The following PATJ variants were observed in gnomAD, a reference collection of about 807,000 sequenced individuals.
PATJ encodes the protein PATJ crumbs cell polarity complex component.
A neutral mutation model predicts 224.9 loss-of-function variants in PATJ; 190 were observed. The observed-to-expected ratio is 0.84, with a 90% CI of 0.75 to 0.95. The LOEUF (loss-of-function observed/expected upper bound fraction) is 0.95, where lower values mean the gene tolerates loss of function less well. PATJ is among the 40% of genes least tolerant of loss of function. The probability of loss-of-function intolerance (pLI) is 0.00; values close to 1 mark genes in which losing one functional copy is unlikely to be tolerated. For missense variants in PATJ, 2,121 were observed against 2,270.3 expected (o/e 0.93, Z 1.34); for synonymous variants, 769 against 820.3 (o/e 0.94, Z 1.07).
At chr1:61,812,429 A>AGTGTGTGTGT (rs1355150780) in intron 14 of PATJ, among the ~76,000 whole-genome samples, 1 of 111,374 alleles carries the variant, frequency 9.0e-6, no homozygotes, top group Non-Finnish European at 2.0e-5. Context: ...AGAGAGAGAG[A>AGTGTGTGTGT]GAGAGTGTGT....
chr1:61,840,299 T>C (rs894778157), intron 17 of PATJ, among the ~76,000 whole-genome samples: 5 of 152,042 alleles, frequency 3.3e-5, no homozygotes, highest in Admixed American at 6.6e-5. Context: ...TCTGAGCACA[T>C]TGAAAATGTT....
intron 27 of PATJ, among the ~76,000 whole-genome samples, chr1:61,934,493 A>G (rs1054444412): frequency 6.6e-6 from 1 of 152,152 alleles, no homozygotes; most frequent in Non-Finnish European, 1.5e-5. Context: ...GCTATGTGCC[A>G]TACATTCTCC....
intron 27 of PATJ, among the ~76,000 whole-genome samples, chr1:61,938,977 G>GC (rs1677322155): frequency 1.3e-5 from 2 of 151,522 alleles, no homozygotes; most frequent in South Asian, 4.2e-4. Flanking sequence ...AAAAAAATTA[G>GC]CCAGGCGTGG....
At chr1:61,848,324 T>C (rs1662289035) in intron 17 of PATJ, among the ~76,000 whole-genome samples, 1 of 152,170 alleles carries the variant, frequency 6.6e-6, no homozygotes, top group Admixed American at 6.5e-5. Context: ...CTTCATTCTG[T>C]CTGTCTCTTA....
chr1:61,843,291 G>A (rs948335583), intron 17 of PATJ, among the ~76,000 whole-genome samples: 6 of 152,150 alleles, frequency 3.9e-5, no homozygotes, highest in African/African-American at 1.2e-4. Context: ...ACTAGCTTAC[G>A]AGTCAGAAAG....
At chr1:61,930,978 T>C (rs1170692713) in intron 27 of PATJ, among the ~76,000 whole-genome samples, 1 of 152,174 alleles carries the variant, frequency 6.6e-6, no homozygotes, top group Middle Eastern at 3.2e-3. Context: ...GCTGGGATTA[T>C]GGGCATGAGC....
intron 20 of PATJ, among the ~76,000 whole-genome samples, chr1:61,871,495 A>ATATACATATATATGCGTATATATG (rs1557793498): frequency 1.3e-4 from 6 of 46,252 alleles, no homozygotes; most frequent in Admixed American, 6.8e-4. Context: ...GTATATATGT[A>ATATACATATATATGCGTATATATG]TATATACATA....
chr1:61,916,389 A>G (rs1025681831), intron 26 of PATJ, among the ~76,000 whole-genome samples: 4 of 152,088 alleles, frequency 2.6e-5, no homozygotes, highest in African/African-American at 9.7e-5. Flanking sequence ...TGGATTTTCT[A>G]TACATATAAT....
chr1:62,151,714 T>C lies in PATJ; in HGVS notation c.5379-1644T>C, dbSNP rs191927623. ...CATTTTGCAAATTTCTCTAAGTACA[T>C]GAATGGCTGAGTTTATATGAGATGA... On this transcript the variant is annotated intron_variant, in intron 42 of 43. Transcript: ENST00000642238. Among the ~76,000 whole-genome samples, 6 of 152,332 alleles carry C rather than the reference T, an allele frequency of 3.9e-5. No homozygotes were observed. The East Asian group carries it at 1.2e-3, about 29-fold the overall frequency.
chr1:62,159,146 A>G (rs1402566741), intron 43 of PATJ, among the ~76,000 whole-genome samples: 1 of 152,186 alleles, frequency 6.6e-6, no homozygotes, highest in Non-Finnish European at 1.5e-5. Context: ...TTTGTCTTTA[A>G]TACAGTTGAC....
intron 31 of PATJ, chr1:62,073,413 A>T: frequency 3.0e-6 from 2 of 665,796 alleles, no homozygotes; most frequent in South Asian, 6.7e-5. Context: ...GCTTGAGGTC[A>T]GGAGTTCCAG....
At chr1:61,874,491 C>T (rs1049284860) in intron 20 of PATJ, among the ~76,000 whole-genome samples, 2 of 152,038 alleles carry the variant, frequency 1.3e-5, no homozygotes, top group East Asian at 1.9e-4. Flanking sequence ...GCCACCACAC[C>T]CAGCCCCTTG....
At chr1:62,153,039 G>GA (rs532477880) in intron 42 of PATJ, among the ~76,000 whole-genome samples, 3,333 of 135,638 alleles carry the variant, frequency 0.025, 47 homozygotes, top group African/African-American at 0.038. Flanking sequence ...CTCAAAAAAA[G>GA]AAAAAAAAAA....
At chr1:62,059,657 A>G (rs555222336) in intron 31 of PATJ, among the ~76,000 whole-genome samples, 8 of 152,104 alleles carry the variant, frequency 5.3e-5, no homozygotes, top group Non-Finnish European at 8.8e-5. Flanking sequence ...TCAATTTTCA[A>G]TTTTGCAAAG....
chr1:61,769,157 T>C, intron 4 of PATJ, 126 bp from the exon 5 acceptor site: 2 of 805,844 alleles, frequency 2.5e-6, no homozygotes, highest in Non-Finnish European at 3.8e-6. Flanking sequence ...AATTTATTAC[T>C]GAAATGCTGA....
intron 30 of PATJ, among the ~76,000 whole-genome samples, chr1:62,045,676 C>T (rs1009099700): frequency 1.3e-5 from 2 of 152,170 alleles, no homozygotes; most frequent in African/African-American, 2.4e-5. Context: ...CAAGAGACGA[C>T]AGGAACACCC....
intron 8 of PATJ, among the ~76,000 whole-genome samples, chr1:61,788,364 A>G (rs1271348340): frequency 6.6e-6 from 1 of 151,862 alleles, no homozygotes; most frequent in Non-Finnish European, 1.5e-5. Context: ...TATTATACTA[A>G]TTATTTTAAT....
At chr1:61,915,464 T>G (rs1673318216) in intron 26 of PATJ, among the ~76,000 whole-genome samples, 1 of 152,168 alleles carries the variant, frequency 6.6e-6, no homozygotes, top group African/African-American at 2.4e-5. Context: ...TTCTTAGACA[T>G]GTCTTAACTA....
intron 28 of PATJ, chr1:61,991,694 G>T: frequency 1.0e-6 from 1 of 984,038 alleles, no homozygotes; most frequent in African/African-American, 1.7e-5. Context: ...ATAGCACCAC[G>T]AATGGGACCC....
Sources: gnomAD v4.1 joint callset for allele counts (sites outside exome capture counted in the v4.1 genomes callset) on GRCh38, gnomAD v4.1.1 for gene constraint, MANE v1.5 for transcripts, NCBI Gene and HGNC (gene_info 2026-07-23, HGNC 2026-07-21) for gene names.